The following SMYD3 variants were observed in gnomAD, a reference collection of about 807,000 sequenced individuals.
SMYD3 encodes the protein histone-lysine N-methyltransferase SMYD3.
In SMYD3, 36 loss-of-function variants were observed where a neutral mutation model predicts 57.7. The ratio of observed to expected loss-of-function variants is 0.62; its 90% CI spans 0.48 to 0.82. The LOEUF (loss-of-function observed/expected upper bound fraction) is 0.82, where lower values mean the gene tolerates loss of function less well. Among genes scored for constraint, SMYD3 ranks in the 40% least tolerant of loss-of-function variants. The pLI is 0.00. For synonymous variants in SMYD3, 211 were observed against 195.0 expected (o/e 1.08, Z -0.68); for missense variants, 515 against 538.8 (o/e 0.96, Z 0.44).
intron 5 of SMYD3, among the ~76,000 whole-genome samples, chr1:245,941,519 T>G (rs1446583098): frequency 3.3e-5 from 5 of 152,118 alleles, no homozygotes; most frequent in Non-Finnish European, 1.5e-5. Flanking sequence ...TATTCAACAT[T>G]TTTTTCGTTT....
intron 1 of SMYD3, among the ~76,000 whole-genome samples, chr1:246,368,337 T>C (rs896401778): frequency 1.3e-5 from 2 of 152,084 alleles, no homozygotes; most frequent in Admixed American, 6.5e-5. Flanking sequence ...AGAAACTCTG[T>C]GCTAAAACCA....
intron 5 of SMYD3, among the ~76,000 whole-genome samples, chr1:246,259,840 G>C (rs1001334435): frequency 2.0e-5 from 3 of 152,210 alleles, no homozygotes; most frequent in African/African-American, 7.2e-5. Context: ...GGTATGCCTA[G>C]GCATGGAGCT....
intron 1 of SMYD3, among the ~76,000 whole-genome samples, chr1:246,439,673 C>T (rs1186849041): frequency 6.7e-6 from 1 of 149,078 alleles, no homozygotes; most frequent in Non-Finnish European, 1.5e-5. Context: ...ACACTAGAAG[C>T]ACAATAAATG....
At chr1:246,318,493 C>G (rs1051640513) in intron 5 of SMYD3, among the ~76,000 whole-genome samples, 2 of 152,102 alleles carry the variant, frequency 1.3e-5, no homozygotes, top group Non-Finnish European at 2.9e-5. Flanking sequence ...AATTAAAGAC[C>G]TCCTGCATAC....
chr1:246,054,989 C>G (rs1427042133), intron 5 of SMYD3, among the ~76,000 whole-genome samples: 1 of 150,820 alleles, frequency 6.6e-6, no homozygotes, highest in East Asian at 2.0e-4. Context: ...TCCTGGCTAA[C>G]ATGGTGAAAT....
intron 5 of SMYD3, among the ~76,000 whole-genome samples, chr1:246,099,815 C>G (rs2060977857): frequency 6.6e-6 from 1 of 152,174 alleles, no homozygotes; most frequent in South Asian, 2.1e-4. Flanking sequence ...ATTACCTCAT[C>G]AGAAATCCAA....
At position 246,124,178 on chromosome 1, in the gene SMYD3, C is replaced by A. The variant is rs192139960; in HGVS notation, c.532-194241G>T. 3.7e-3 allele frequency among the ~76,000 whole-genome samples: 562 copies of A among 152,320 alleles called. 3 individuals carry two copies. Among genetic ancestry groups the A allele is most frequent in the Non-Finnish European group, 4.7e-3 (317 of 68,030 alleles). On this transcript the variant is annotated intron_variant, in intron 5 of 11. Coordinates refer to ENST00000490107, the MANE Select transcript of SMYD3 (RefSeq NM_001167740.2). The stretch of plus-strand genomic sequence containing the variant: ...ACTGTTTTAATAAGTGATAAACACT[C>A]TCTTTAAAAAGTACCTTTAGCCTGT...
rs142524292 is a variant in SMYD3 at position 246,201,640 on chromosome 1, C to G, written c.531+125561G>C. 1.4e-4 allele frequency among the ~76,000 whole-genome samples: 21 copies of G among 152,334 alleles called. No homozygotes were observed. The East Asian group carries it at 4.0e-3, about 29-fold the overall frequency. On this transcript the variant is annotated intron_variant, in intron 5 of 11. Transcript: ENST00000490107. Reference sequence around the variant, plus strand: ...AAATCTCAGTTGCTCTAACTTACCACACTTCAAACCAAGAAATGTCACGGA... The same window carrying G: ...AAATCTCAGTTGCTCTAACTTACCAGACTTCAAACCAAGAAATGTCACGGA...
intron 5 of SMYD3, among the ~76,000 whole-genome samples, chr1:246,177,035 C>T (rs1011207396): frequency 6.6e-6 from 1 of 152,208 alleles, no homozygotes; most frequent in African/African-American, 2.4e-5. Context: ...TTGGATATTA[C>T]AGGAACCACT....
At chr1:246,237,152 G>C (rs2063525887) in intron 5 of SMYD3, among the ~76,000 whole-genome samples, 1 of 152,054 alleles carries the variant, frequency 6.6e-6, no homozygotes, top group Admixed American at 6.5e-5. Context: ...GCGCAGAAAG[G>C]ACTTCATTTG....
chr1:246,449,856 T>G (rs940437867), intron 1 of SMYD3, among the ~76,000 whole-genome samples: 1 of 152,194 alleles, frequency 6.6e-6, no homozygotes, highest in African/African-American at 2.4e-5. Context: ...GAAAGGTTTT[T>G]TTTGTTTGTT....
At chr1:245,791,610 G>A (rs2047273610) in intron 10 of SMYD3, among the ~76,000 whole-genome samples, 1 of 138,148 alleles carries the variant, frequency 7.2e-6, no homozygotes, top group South Asian at 2.7e-4. Flanking sequence ...GAGGACGGGA[G>A]AAAGAGAGAG....
At chr1:246,171,215 A>C (rs1317216061) in intron 5 of SMYD3, among the ~76,000 whole-genome samples, 3 of 152,200 alleles carry the variant, frequency 2.0e-5, no homozygotes, top group African/African-American at 7.2e-5. Flanking sequence ...TTCAAAGATA[A>C]CTGAAAAAAA....
At chr1:246,456,986 C>T (rs2067708559) in intron 1 of SMYD3, among the ~76,000 whole-genome samples, 1 of 152,196 alleles carries the variant, frequency 6.6e-6, no homozygotes. Context: ...AAGTCTACTT[C>T]CCCAAAGAAT....
chr1:246,284,250 G>A (rs1159821600), intron 5 of SMYD3, among the ~76,000 whole-genome samples: 2 of 152,074 alleles, frequency 1.3e-5, no homozygotes, highest in Non-Finnish European at 2.9e-5. Context: ...GTAATGTGTT[G>A]CAAACGCAGA....
chr1:245,759,771 AT>A (rs75766490), intron 11 of SMYD3, among the ~76,000 whole-genome samples: 4,512 of 152,274 alleles, frequency 0.03, 192 homozygotes, highest in Admixed American at 0.11. Flanking sequence ...TTAAATACAG[AT>A]TTTTTTAAAA....
intron 1 of SMYD3, among the ~76,000 whole-genome samples, chr1:246,467,411 T>C (rs1195013384): frequency 6.6e-6 from 1 of 151,576 alleles, no homozygotes; most frequent in Non-Finnish European, 1.5e-5. Flanking sequence ...AAAAGATCAA[T>C]GAAACAAAGA....
At chr1:245,937,010 TA>T (rs1197545996) in intron 5 of SMYD3, among the ~76,000 whole-genome samples, 2 of 152,144 alleles carry the variant, frequency 1.3e-5, no homozygotes, top group Non-Finnish European at 2.9e-5. Flanking sequence ...ACAAGTCAAG[TA>T]AAAAATAAAA....
At chr1:245,993,595 T>A (rs867184589) in intron 5 of SMYD3, among the ~76,000 whole-genome samples, 2 of 23,502 alleles carry the variant, frequency 8.5e-5, no homozygotes, top group African/African-American at 1.5e-4. Context: ...GATAGATAGA[T>A]AGATAGATAG....
Sources: gnomAD v4.1 joint callset for allele counts (sites outside exome capture counted in the v4.1 genomes callset) on GRCh38, gnomAD v4.1.1 for gene constraint, MANE v1.5 for transcripts, NCBI Gene and HGNC (gene_info 2026-07-23, HGNC 2026-07-21) for gene names.